Variants in SUPT3H observed in about 807,000 individuals in gnomAD.
The protein encoded by SUPT3H is SPT3 homolog, SAGA and STAGA complex component.
Under a neutral mutation model 44.3 loss-of-function variants are expected in SUPT3H, and 44 were observed. That is an observed-to-expected ratio of 0.99 (90% CI 0.78 to 1.28). The LOEUF (loss-of-function observed/expected upper bound fraction) is 1.28, where lower values mean the gene tolerates loss of function less well. Among genes scored for constraint, SUPT3H ranks in the 50% most tolerant of loss-of-function variants. The pLI, the probability that SUPT3H is intolerant of heterozygous loss-of-function variation, is 0.00. For missense variants in SUPT3H, 380 were observed against 387.1 expected (o/e 0.98, Z 0.15); for synonymous variants, 124 against 125.6 (o/e 0.99, Z 0.09).
intron 9 of SUPT3H, among the ~76,000 whole-genome samples, chr6:44,951,544 G>C (rs1267223137): frequency 1.3e-5 from 2 of 152,068 alleles, no homozygotes; most frequent in Admixed American, 1.3e-4. Flanking sequence ...GTGTCTGCCA[G>C]CCAGAAAAAA....
intron 2 of SUPT3H, among the ~76,000 whole-genome samples, chr6:45,207,930 G>GT (rs1763449691): frequency 6.6e-6 from 1 of 152,240 alleles, no homozygotes; most frequent in Admixed American, 6.5e-5. Context: ...GAAAGTTAAA[G>GT]TTTTACTTCT....
intron 2 of SUPT3H, among the ~76,000 whole-genome samples, chr6:45,123,059 T>A (rs924431549): frequency 2.0e-5 from 3 of 152,196 alleles, no homozygotes; most frequent in African/African-American, 7.2e-5. Flanking sequence ...ATTTTCTTTA[T>A]TGGGTTTTCT....
intron 10 of SUPT3H, among the ~76,000 whole-genome samples, chr6:44,889,190 T>C (rs564792461): frequency 1.9e-4 from 29 of 152,098 alleles, no homozygotes; most frequent in African/African-American, 5.5e-4. Context: ...GGCCATACTG[T>C]CCAAGGTAAT....
At chr6:45,246,862 A>G (rs1237922984) in intron 2 of SUPT3H, among the ~76,000 whole-genome samples, 1 of 152,194 alleles carries the variant, frequency 6.6e-6, no homozygotes, top group Non-Finnish European at 1.5e-5. Flanking sequence ...TACAGCATTA[A>G]TTACACATAT....
chr6:44,985,212 TAAATA>T lies in SUPT3H; in HGVS notation c.504+18436_504+18440del, dbSNP rs5875901. On this transcript the variant is annotated intron_variant, in intron 6 of 10. Coordinates refer to ENST00000371459, the MANE Select transcript of SUPT3H (RefSeq NM_003599.4). ...ATAAATAAATAAATAAATAAATAAA[TAAATA>T]AAATAAAATAAAATAAAATAAATAA... Among the ~76,000 whole-genome samples the T allele has an allele frequency of 3.5e-4, 40 of 113,604 alleles. 1 individual carries two copies. The South Asian group carries it at 4.9e-3, about 14-fold the overall frequency. The allele number at this position is 113,604 out of a possible 152,430, so 74.5% of individuals were successfully genotyped here.
intron 10 of SUPT3H, among the ~76,000 whole-genome samples, chr6:44,922,856 A>G (rs940293803): frequency 1.3e-5 from 2 of 152,150 alleles, no homozygotes; most frequent in South Asian, 2.1e-4. Flanking sequence ...GAAATAGCTC[A>G]ACTTAGTTTA....
At chr6:44,953,474 A>C in intron 8 of SUPT3H, 57 bp from the exon 9 acceptor site, 12 of 1,389,904 alleles carry the variant, frequency 8.6e-6, no homozygotes, top group Middle Eastern at 1.8e-4. Flanking sequence ...AATGCCACTG[A>C]AGTGGCAAAC....
At chr6:45,375,261 T>C (rs899869696) in intron 1 of SUPT3H, among the ~76,000 whole-genome samples, 3 of 152,216 alleles carry the variant, frequency 2.0e-5, no homozygotes, top group Non-Finnish European at 2.9e-5. Flanking sequence ...CCTAAAACTA[T>C]ATATTACAAG....
At chr6:45,060,717 C>T (rs1160190451) in intron 3 of SUPT3H, among the ~76,000 whole-genome samples, 1 of 152,046 alleles carries the variant, frequency 6.6e-6, no homozygotes, top group African/African-American at 2.4e-5. Context: ...GGTCTAATAT[C>T]CAGAGTCTAC....
intron 10 of SUPT3H, among the ~76,000 whole-genome samples, chr6:44,856,947 G>A (rs769682202): frequency 2.0e-5 from 3 of 152,040 alleles, no homozygotes; most frequent in Non-Finnish European, 4.4e-5. Context: ...TGGGGACTTC[G>A]GTATTCACGA....
intron 2 of SUPT3H, among the ~76,000 whole-genome samples, chr6:45,326,447 A>C (rs770236033): frequency 6.6e-6 from 1 of 151,930 alleles, no homozygotes; most frequent in Non-Finnish European, 1.5e-5. Context: ...GAGAAAAAAT[A>C]ATTTTTCTCT....
chr6:45,346,155 T>C (rs936178223), intron 2 of SUPT3H, among the ~76,000 whole-genome samples: 5 of 149,400 alleles, frequency 3.3e-5, no homozygotes, highest in African/African-American at 1.2e-4. Context: ...CATACTTACC[T>C]GCATCTACCA....
intron 9 of SUPT3H, among the ~76,000 whole-genome samples, chr6:44,944,209 T>C (rs1181340623): frequency 6.6e-6 from 1 of 152,096 alleles, no homozygotes. Context: ...AACTCCCAAG[T>C]ATACTGAACA....
chr6:45,142,764 A>AAAAAAAAAAT (rs1805441110), intron 2 of SUPT3H, among the ~76,000 whole-genome samples: 1 of 127,108 alleles, frequency 7.9e-6, no homozygotes, highest in Non-Finnish European at 1.7e-5. Context: ...AAAAAAAAAA[A>AAAAAAAAAAT]GCAGAATGGC....
chr6:45,240,409 G>A (rs1161971140), intron 2 of SUPT3H, among the ~76,000 whole-genome samples: 2 of 152,098 alleles, frequency 1.3e-5, no homozygotes, highest in African/African-American at 4.8e-5. Flanking sequence ...AATCTTGGCT[G>A]GCAATAATGC....
At chr6:45,355,138 CTTT>C (rs1205511889) in intron 2 of SUPT3H, among the ~76,000 whole-genome samples, 2 of 131,638 alleles carry the variant, frequency 1.5e-5, no homozygotes, top group Non-Finnish European at 1.6e-5. Context: ...AAAGACCTGG[CTTT>C]TTTTTTTTTT....
chr6:44,910,696 TAAA>T (rs11346126), intron 10 of SUPT3H, among the ~76,000 whole-genome samples: 4 of 147,628 alleles, frequency 2.7e-5, no homozygotes, highest in African/African-American at 5.0e-5. Flanking sequence ...TCTTTCAAAT[TAAA>T]AAAAAAAAAG....
At chr6:44,976,903 T>C (rs1778415103) in intron 6 of SUPT3H, among the ~76,000 whole-genome samples, 1 of 152,188 alleles carries the variant, frequency 6.6e-6, no homozygotes, top group Non-Finnish European at 1.5e-5. Context: ...TCCTCTGCAA[T>C]CATAAGTGCA....
intron 2 of SUPT3H, among the ~76,000 whole-genome samples, chr6:45,201,038 T>C (rs1328448885): frequency 6.6e-6 from 1 of 151,604 alleles, no homozygotes; most frequent in Non-Finnish European, 1.5e-5. Context: ...ATAAACGAAT[T>C]TACTAAAATC....
Sources: allele counts gnomAD v4.1 joint callset (sites outside exome capture counted in the v4.1 genomes callset), GRCh38; gene constraint gnomAD v4.1.1; transcripts MANE v1.5; gene names NCBI Gene and HGNC (gene_info 2026-07-23, HGNC 2026-07-21).